Variants in MKLN1 observed in about 807,000 individuals in gnomAD.
MKLN1 encodes muskelin 1.
In MKLN1, 18 loss-of-function variants were observed where a neutral mutation model predicts 99.0. That is an observed-to-expected ratio of 0.18 (90% CI 0.13 to 0.27). The LOEUF (loss-of-function observed/expected upper bound fraction) is 0.27. MKLN1 is among the 10% of genes least tolerant of loss of function. The pLI, the probability that MKLN1 is intolerant of heterozygous loss-of-function variation, is 1.00. For missense variants in MKLN1, 621 were observed against 875.9 expected (o/e 0.71, Z 3.67); for synonymous variants, 288 against 293.2 (o/e 0.98, Z 0.18).
At chr7:131,280,676 T>A (rs551308060) in intron 3 of MKLN1, among the ~76,000 whole-genome samples, 1 of 151,710 alleles carries the variant, frequency 6.6e-6, no homozygotes, top group South Asian at 2.1e-4. Context: ...TGGGAAAGAG[T>A]CTCACCCTGT....
chr7:131,312,900 A>G (rs1798594458), intron 3 of MKLN1, among the ~76,000 whole-genome samples: 1 of 152,184 alleles, frequency 6.6e-6, no homozygotes, highest in Non-Finnish European at 1.5e-5. Flanking sequence ...CCTTGCAGTA[A>G]AGCCAAGAGG....
rs199522733 is a variant in MKLN1, at chr7:131,262,537, G to GT, written c.-179+59572dup. 5.3e-3 allele frequency among the ~76,000 whole-genome samples: 807 copies of GT among 150,974 alleles called. 7 individuals carry two copies. Among genetic ancestry groups the GT allele is most frequent in the African/African-American group, 0.019 (763 of 41,160 alleles). On this transcript the variant is annotated intron_variant, in intron 3 of 7. Transcript: ENST00000416992. The stretch of plus-strand genomic sequence containing the variant: ...ATCCACTATTTCATTTTGTTATTAT[G>GT]TTTTTTTTTCTTTTCTTTTCTTTTC...
At chr7:131,281,525 A>T (rs1798052442) in intron 3 of MKLN1, among the ~76,000 whole-genome samples, 1 of 151,990 alleles carries the variant, frequency 6.6e-6, no homozygotes, top group African/African-American at 2.4e-5. Flanking sequence ...TTGTATTTCC[A>T]TGTGAATAGC....
At chr7:131,363,362 G>A (rs1800085146) in intron 1 of MKLN1, among the ~76,000 whole-genome samples, 1 of 151,984 alleles carries the variant, frequency 6.6e-6, no homozygotes, top group Admixed American at 6.6e-5. Context: ...CACCTAGAAT[G>A]TGAATCTTAT....
At chr7:131,209,701 A>G (rs1325507945) in intron 3 of MKLN1, among the ~76,000 whole-genome samples, 1 of 152,182 alleles carries the variant, frequency 6.6e-6, no homozygotes, top group African/African-American at 2.4e-5. Context: ...CAAGTGATGA[A>G]TTATGATTGC....
At chr7:131,118,692 T>C (rs1156723807) in intron 1 of MKLN1, among the ~76,000 whole-genome samples, 1 of 152,164 alleles carries the variant, frequency 6.6e-6, no homozygotes, top group Non-Finnish European at 1.5e-5. Flanking sequence ...CTTACAATCA[T>C]GGCGAAAGGT....
chr7:131,313,238 A>G (rs11763660), intron 3 of MKLN1, among the ~76,000 whole-genome samples: 68,686 of 152,118 alleles, frequency 0.45, 16,965 homozygotes, highest in Admixed American at 0.59. Context: ...TGGGTTGGTT[A>G]TATTATTTAT....
At chr7:131,358,372 TG>T (rs1456212101) in intron 1 of MKLN1, among the ~76,000 whole-genome samples, 1 of 152,222 alleles carries the variant, frequency 6.6e-6, no homozygotes, top group Non-Finnish European at 1.5e-5. Context: ...GAAATAGCCC[TG>T]TAATAAGTAC....
intron 2 of MKLN1, among the ~76,000 whole-genome samples, chr7:131,155,337 T>A (rs1795947548): frequency 1.3e-5 from 2 of 152,308 alleles, no homozygotes; most frequent in Non-Finnish European, 1.5e-5. Flanking sequence ...CAGGAAGCAA[T>A]CCACAAAGAT....
chr7:131,347,744 A>G (rs1302682033), intron 1 of MKLN1, among the ~76,000 whole-genome samples: 13 of 152,218 alleles, frequency 8.5e-5, no homozygotes, highest in Non-Finnish European at 1.9e-4. Context: ...TAAACTGGTT[A>G]AATCTAGTAT....
intron 1 of MKLN1, among the ~76,000 whole-genome samples, chr7:131,116,492 A>G: frequency 6.6e-6 from 1 of 152,118 alleles, no homozygotes. Flanking sequence ...TCAGGAATTC[A>G]AGACTTCTGC....
chr7:131,113,901 G>A (rs2082725), intron 1 of MKLN1, among the ~76,000 whole-genome samples: 111,429 of 151,968 alleles, frequency 0.73, 41,449 homozygotes, highest in Non-Finnish European at 0.82. Context: ...TTTTAAAACC[G>A]TCAGATCTCA....
intron 1 of MKLN1, among the ~76,000 whole-genome samples, chr7:131,130,559 T>G (rs1795533852): frequency 6.6e-6 from 1 of 152,224 alleles, no homozygotes; most frequent in Non-Finnish European, 1.5e-5. Context: ...CTGGTTTAGT[T>G]TTTTCTGTCG....
At chr7:131,300,616 G>T (rs1226352590) in intron 3 of MKLN1, among the ~76,000 whole-genome samples, 1 of 142,392 alleles carries the variant, frequency 7.0e-6, no homozygotes, top group African/African-American at 2.6e-5. Flanking sequence ...GAACTCCAGA[G>T]AAAGAGATTG....
chr7:131,347,952 G>A (rs2116751969), intron 1 of MKLN1, among the ~76,000 whole-genome samples: 1 of 152,262 alleles, frequency 6.6e-6, no homozygotes, highest in East Asian at 1.9e-4. Context: ...TCATAGTATA[G>A]TAACAAACTA....
intron 3 of MKLN1, among the ~76,000 whole-genome samples, chr7:131,298,560 T>C (rs1798329112): frequency 6.6e-6 from 1 of 152,234 alleles, no homozygotes; most frequent in African/African-American, 2.4e-5. Flanking sequence ...TTTTGGCTGA[T>C]TTCACAAGTA....
chr7:131,389,762 G>A lies in MKLN1; in HGVS notation c.400+790G>A, dbSNP rs537301880. Among the ~76,000 whole-genome samples, 13 of 151,796 alleles carry A rather than the reference G, an allele frequency of 8.6e-5. No individual in the cohort carries two copies. The South Asian group carries it at 2.5e-3, about 29-fold the overall frequency. ...AATTTAGCTGGGCGTGGTGGTAGGCGCCTGTAGTCCCAGTTACTCGGGAAG... is the reference window on the plus strand; with the variant it reads ...AATTTAGCTGGGCGTGGTGGTAGGCACCTGTAGTCCCAGTTACTCGGGAAG... On this transcript the variant is annotated intron_variant, in intron 4 of 17. Coordinates refer to ENST00000352689, the MANE Select transcript of MKLN1 (RefSeq NM_013255.5).
intron 4 of MKLN1, among the ~76,000 whole-genome samples, chr7:131,396,809 T>C (rs911422670): frequency 2.0e-5 from 3 of 152,182 alleles, no homozygotes; most frequent in African/African-American, 4.8e-5. Flanking sequence ...ACTTTTCTCC[T>C]TTTAATTTGT....
intron 3 of MKLN1, among the ~76,000 whole-genome samples, chr7:131,205,391 C>A (rs1863012): frequency 6.6e-6 from 1 of 151,808 alleles, no homozygotes; most frequent in Non-Finnish European, 1.5e-5. Context: ...GTTTTCCGAT[C>A]GCTTCTTGGG....
Sources: gnomAD v4.1 joint callset for allele counts (sites outside exome capture counted in the v4.1 genomes callset) on GRCh38, gnomAD v4.1.1 for gene constraint, MANE v1.5 for transcripts, NCBI Gene and HGNC (gene_info 2026-07-23, HGNC 2026-07-21) for gene names.